FCSK: variants seen among roughly 807,000 people sequenced by gnomAD.
FCSK encodes L-fucose kinase.
Under a neutral mutation model 122.5 loss-of-function variants are expected in FCSK, and 123 were observed. That is an observed-to-expected ratio of 1.00 (90% confidence interval 0.87 to 1.17). The LOEUF is 1.17. Ranked by LOEUF, FCSK falls within the 50% of genes most tolerant of loss-of-function variation. FCSK has a pLI of 0.00. For synonymous variants in FCSK, 620 were observed against 625.5 expected (o/e 0.99, Z 0.13); for missense variants, 1,366 against 1,450.4 (o/e 0.94, Z 0.95).
chr16:70,458,569 C>T (rs1418097252), intron 1 of FCSK, among the ~76,000 whole-genome samples: 2 of 151,918 alleles, frequency 1.3e-5, no homozygotes, highest in East Asian at 3.9e-4. Flanking sequence ...CAGGTTCAGC[C>T]TCCCGAGTAA....
At position 70,473,773 on chromosome 16, in the gene FCSK, G is replaced by T. The variant is rs140516568; in HGVS notation, c.1778-356G>T. Among the ~76,000 whole-genome samples, 6 of 152,308 alleles carry T rather than the reference G, an allele frequency of 3.9e-5. No homozygotes were observed. The East Asian group carries it at 5.8e-4, about 15-fold the overall frequency. On this transcript the variant is annotated intron_variant, in intron 15 of 23. Transcript: ENST00000288078. This position sits in a 1 kb window ranked among gnomAD's most constrained non-coding sequence, Gnocchi z 4.9. ...CCTCCTAGGCTGAACCTCATGGAAG[G>T]TCCCAGGGACCGTGGACATGAATGG...
chr16:70,478,220 G>C (rs976452950), intron 20 of FCSK, 52 bp from the exon 21 acceptor site: 21 of 1,584,956 alleles, frequency 1.3e-5, no homozygotes, highest in Non-Finnish European at 1.8e-5. Flanking sequence ...TAGGCTGGGA[G>C]AGTGAAGCTG....
In FCSK at chr16:70,478,258, C is replaced by T; in HGVS notation, c.2642-14C>T. 1 of 1,612,840 alleles carries T rather than the reference C, an allele frequency of 6.2e-7. No homozygotes were observed. Among genetic ancestry groups the T allele is most frequent in the Non-Finnish European group, 8.5e-7 (1 of 1,179,506 alleles). ...CCAGATAGACTCCAACAGTGACAGT[C>T]CCTGGGCTCACAGGAGGTGGCTGGC... is the stretch of plus-strand genomic sequence containing the variant. On this transcript the variant is annotated splice_polypyrimidine_tract_variant and intron_variant, in intron 20 of 23. Coordinates refer to ENST00000288078, the MANE Select transcript of FCSK (RefSeq NM_145059.3).
At chr16:70,470,168 G>A (rs2048565031) in intron 10 of FCSK, 146 bp from the exon 11 acceptor site, 1 of 651,544 alleles carries the variant, frequency 1.5e-6, no homozygotes, top group Admixed American at 2.4e-5. Flanking sequence ...TAGCTGTGTT[G>A]TGTGGCTTTG....
intron 6 of FCSK, 159 bp downstream of exon 6, chr16:70,467,113 TCTC>T (rs1178494778): frequency 4.1e-6 from 3 of 725,160 alleles, no homozygotes; most frequent in Middle Eastern, 5.1e-4. Flanking sequence ...AGGCAGGGCT[TCTC>T]CTGCTGTGCC....
rs1254708702 is a variant in FCSK at position 70,469,223 on chromosome 16, G to T, written c.855G>T (p.Arg285Ser). Residue 285 changes from arginine (R) to serine (S), a missense_variant, in exon 10 of 24, where the codon AGG becomes AGT. Coordinates refer to ENST00000288078, the MANE Select transcript of FCSK (RefSeq NM_145059.3). Reference protein sequence around the residue: ...NVTREDFLVGRPPELGQGDAD... With the variant: ...NVTREDFLVGSPPELGQGDAD... ...CCAGGGAGGACTTCCTGGTGGGGAGGCCCCCAGAGTTGGGGCAAGGCGATG... is the reference window on the plus strand; with the variant it reads ...CCAGGGAGGACTTCCTGGTGGGGAGTCCCCCAGAGTTGGGGCAAGGCGATG... The T allele has an allele frequency of 2.6e-5, 42 of 1,613,906 alleles. No individual in the cohort carries two copies. In the Admixed American group the frequency reaches 6.7e-4, roughly 26 times the overall value.
intron 1 of FCSK, among the ~76,000 whole-genome samples, chr16:70,460,705 C>T (rs1291938292): frequency 1.3e-5 from 2 of 152,216 alleles, no homozygotes; most frequent in African/African-American, 4.8e-5. Context: ...GCCCAGGTGG[C>T]AGTGCAGTTC....
Position 70,478,394 on chromosome 16 carries a change from A to C in FCSK, c.2764A>C (p.Lys922Gln), listed in dbSNP as rs199971372. ...CACGGTGCCTGAGGGCTTTGTCCAG[A>C]AGCTCAATGACCACCTGCTCTTGGT... ...EVTVPEGFVQ[K>Q]LNDHLLLVYT... The change falls in exon 21 of 24, where the codon AAG becomes CAG. Residue 922 changes from lysine to glutamine, a missense_variant. By Grantham distance (53) the Lys-to-Gln change is moderately conservative. Coordinates refer to ENST00000288078, the MANE Select transcript of FCSK (RefSeq NM_145059.3). 156 of 1,614,158 alleles carry C rather than the reference A, an allele frequency of 9.7e-5. 1 individual carries two copies. In the African/African-American group the frequency reaches 1.9e-3, roughly 20 times the overall value.
intron 17 of FCSK, 22 bp downstream of exon 17, chr16:70,474,716 G>A (rs1450958791): frequency 1.3e-6 from 2 of 1,582,154 alleles, no homozygotes; most frequent in Non-Finnish European, 1.7e-6. Flanking sequence ...GTGGCAGGTG[G>A]GGTTGAGGGT....
chr16:70,470,847 G>C (rs1309703851), intron 11 of FCSK, 124 bp from the exon 12 acceptor site: 2 of 792,146 alleles, frequency 2.5e-6, no homozygotes, highest in African/African-American at 3.5e-5. Context: ...GAGGAGTCTA[G>C]GGTGCTGCAG....
intron 1 of FCSK, chr16:70,454,913 G>GC (rs1164187607): frequency 6.6e-6 from 1 of 152,212 alleles, no homozygotes; most frequent in Non-Finnish European, 1.5e-5. Flanking sequence ...AGGGATGCGG[G>GC]CCTCAGAGGA....
chr16:70,459,643 C>G (rs2048199565), intron 1 of FCSK, among the ~76,000 whole-genome samples: 1 of 151,220 alleles, frequency 6.6e-6, no homozygotes, highest in Non-Finnish European at 1.5e-5. Flanking sequence ...CTCTCTGTGC[C>G]TCATTTCTCC....
rs779504047 is a variant in FCSK at position 70,479,295 on chromosome 16, C to A, written c.3045C>A (p.His1015Gln). The change falls in exon 23 of 24, where the codon CAC becomes CAA. Residue 1015 changes from histidine (H) to glutamine (Q), a missense_variant. His to Gln is a conservative substitution (Grantham distance 24, BLOSUM62 0). Coordinates refer to ENST00000288078, the MANE Select transcript of FCSK (RefSeq NM_145059.3). ...GTATGATGGATGTCCTGGCCCCCCA[C>A]GTGCATGGCCAGAGCCTGGCTGGGG... is the stretch of plus-strand genomic sequence containing the variant. ...VRRMMDVLAP[H>Q]VHGQSLAGAG... The A allele has an allele frequency of 6.2e-7, 1 of 1,614,026 alleles. No homozygotes were observed. Among genetic ancestry groups the A allele is most frequent in the South Asian group, 1.1e-5 (1 of 91,086 alleles).
Position 70,474,927 on chromosome 16 carries a change from G to T in FCSK, c.2293G>T (p.Gly765Trp). 6.2e-7 allele frequency: 1 copy of T among 1,611,508 alleles called. No homozygotes were observed. Reference protein sequence around the residue: ...IPEPELWLAVGPRQDEMTVKI... With the variant: ...IPEPELWLAVWPRQDEMTVKI... ...GGAGCCTGAGCTGTGGCTGGCGGTGGGGCCTCGGCAGGATGAGATGACTGT... is the reference window on the plus strand; with the variant it reads ...GGAGCCTGAGCTGTGGCTGGCGGTGTGGCCTCGGCAGGATGAGATGACTGT... The change falls in exon 18 of 24, where the codon GGG becomes TGG. Residue 765 changes from glycine to tryptophan, a missense_variant. Physicochemically the swap from Gly to Trp is radical, Grantham distance 184. Transcript: ENST00000288078.
rs2151724856 is a variant in FCSK, at chr16:70,473,836, G to T, written c.1778-293G>T. On this transcript the variant is annotated intron_variant, in intron 15 of 23. Transcript: ENST00000288078. The surrounding 1 kb of genome is among the most constrained non-coding windows in gnomAD (Gnocchi z 4.9). ...TCACCCAGAGCCACACGGCTAGCTG[G>T]TGGTGAGGCTGAGACCTGAGCCCAG... Among the ~76,000 whole-genome samples, 1 of 152,318 alleles carries T rather than the reference G, an allele frequency of 6.6e-6. No individual in the cohort carries two copies. The highest frequency in any genetic ancestry group is 2.1e-4 in the South Asian group (1 of 4,830).
intron 6 of FCSK, 30 bp from the exon 7 acceptor site, chr16:70,467,343 CT>C: frequency 1.3e-6 from 2 of 1,538,946 alleles, no homozygotes; most frequent in Non-Finnish European, 8.9e-7. Context: ...GTGGAGGCCC[CT>C]GGGAGCCTCC....
At chr16:70,456,745 G>A (rs1208807911) in intron 1 of FCSK, among the ~76,000 whole-genome samples, 1 of 152,162 alleles carries the variant, frequency 6.6e-6, no homozygotes, top group Non-Finnish European at 1.5e-5. Flanking sequence ...TAACTGCTGG[G>A]CATGGTGGCT....
rs188884645 is a variant in FCSK at position 70,476,081 on chromosome 16, C to G, written c.2641+314C>G. 6.8e-3 allele frequency: 1,278 copies of G among 189,128 alleles called. 8 individuals are homozygous for G. Among genetic ancestry groups the G allele is most frequent in the South Asian group, 0.018 (97 of 5,498 alleles). 11.7% of individuals were successfully genotyped at this position (189,128 alleles called of 1,614,324 possible). A position where few individuals can be genotyped will look rare whatever the true frequency, so the allele number is the denominator to read the frequency against. On this transcript the variant is annotated intron_variant, in intron 20 of 23. Transcript: ENST00000288078. ...GCAGTGGTGCGATCTCAGCTCGCTG[C>G]AAGCTCTGCCTCCCGGGTTCACGCC...
chr16:70,467,874 C>T lies in FCSK; in HGVS notation c.583-12C>T, dbSNP rs980033049. The stretch of plus-strand genomic sequence containing the variant: ...TGCTCCCTCCGCTGATTCTGTTTCT[C>T]CCTGCACATAGGGCCTTGTTTTGGA... On this transcript the variant is annotated splice_polypyrimidine_tract_variant and intron_variant, in intron 7 of 23. Coordinates refer to ENST00000288078, the MANE Select transcript of FCSK (RefSeq NM_145059.3). The T allele has an allele frequency of 1.2e-6, 2 of 1,612,158 alleles. No individual in the cohort carries two copies. Among genetic ancestry groups the T allele is most frequent in the Admixed American group, 1.7e-5 (1 of 59,996 alleles).
Sources: gnomAD v4.1 joint callset for allele counts (sites outside exome capture counted in the v4.1 genomes callset) on GRCh38, gnomAD v4.1.1 for gene constraint, Gnocchi (gnomAD v3.1) non-coding constraint, MANE v1.5 for transcripts, NCBI Gene and HGNC (gene_info 2026-07-23, HGNC 2026-07-21) for gene names.